Variants in DAB1 observed in about 807,000 individuals in gnomAD.
DAB1 encodes the protein DAB adaptor protein 1.
Under a neutral mutation model 64.6 loss-of-function variants are expected in DAB1, and 15 were observed. That is an observed-to-expected ratio of 0.23 (90% CI 0.16 to 0.36). The LOEUF (loss-of-function observed/expected upper bound fraction) is 0.36. DAB1 is among the 10% of genes least tolerant of loss of function. The probability of loss-of-function intolerance (pLI) is 1.00; values close to 1 mark genes in which losing one functional copy is unlikely to be tolerated. For missense variants in DAB1, 596 were observed against 706.7 expected, an observed-to-expected ratio of 0.84 and a Z score of 1.78; for synonymous variants, 235 against 251.9, an observed-to-expected ratio of 0.93 and a Z score of 0.64.
At chr1:57,506,191 T>C (rs1375841263) in intron 7 of DAB1, among the ~76,000 whole-genome samples, 1 of 151,802 alleles carries the variant, frequency 6.6e-6, no homozygotes, top group Admixed American at 6.6e-5. Flanking sequence ...TGTTAAGAAA[T>C]AAAAGAAGAA....
chr1:57,523,144 G>T (rs1644549674), intron 7 of DAB1, among the ~76,000 whole-genome samples: 1 of 151,970 alleles, frequency 6.6e-6, no homozygotes, highest in South Asian at 2.1e-4. Flanking sequence ...TATTCTATTA[G>T]TCCTGTCCCT....
chr1:57,337,522 T>G (rs1050935951), intron 1 of DAB1, among the ~76,000 whole-genome samples: 7 of 152,208 alleles, frequency 4.6e-5, no homozygotes, highest in Non-Finnish European at 8.8e-5. Flanking sequence ...TATTTAAAAT[T>G]ACAAACCCCA....
chr1:58,267,413 A>G (rs964291090), intron 4 of DAB1, among the ~76,000 whole-genome samples: 9 of 152,028 alleles, frequency 5.9e-5, no homozygotes, highest in African/African-American at 2.2e-4. Context: ...CCCTACTTCC[A>G]TTGGGTCAGC....
At chr1:57,810,378 G>T (rs956586768) in intron 6 of DAB1, among the ~76,000 whole-genome samples, 2 of 152,128 alleles carry the variant, frequency 1.3e-5, no homozygotes, top group East Asian at 3.9e-4. Context: ...GAGCAATCTT[G>T]AATAATGAAT....
chr1:58,326,903 C>T lies in DAB1; in HGVS notation n.309+16449G>A, dbSNP rs183642986. Among the ~76,000 whole-genome samples the T allele has an allele frequency of 1.5e-3, 225 of 152,268 alleles. 2 individuals carry two copies. The highest frequency in any genetic ancestry group is 1.7e-3 in the Non-Finnish European group (117 of 68,026). On this transcript the variant is annotated intron_variant and non_coding_transcript_variant, in intron 4 of 20. Coordinates refer to the DAB1 transcript ENST00000485760. ...AAGTAAGACAATTACAAAAATCCCTCTTGGCTTTGATTTTTAAAGTACTAA... is the reference window on the plus strand; with the variant it reads ...AAGTAAGACAATTACAAAAATCCCTTTTGGCTTTGATTTTTAAAGTACTAA...
intron 1 of DAB1, among the ~76,000 whole-genome samples, chr1:57,317,212 C>T (rs1675287256): frequency 6.6e-6 from 1 of 152,108 alleles, no homozygotes; most frequent in South Asian, 2.1e-4. Flanking sequence ...AACTGAGGTC[C>T]ACCAACGGCC....
chr1:57,241,027 C>T (rs751690071), intron 2 of DAB1, among the ~76,000 whole-genome samples: 6 of 152,134 alleles, frequency 3.9e-5, no homozygotes, highest in Non-Finnish European at 8.8e-5. Flanking sequence ...GCACTATACA[C>T]GCATCCACCA....
chr1:58,228,908 T>G, intron 4 of DAB1: 1 of 517,576 alleles, frequency 1.9e-6, no homozygotes, highest in Admixed American at 2.3e-5. Flanking sequence ...ACAGCTGTAG[T>G]GTGTAGAAAA....
At chr1:58,121,863 C>T (rs1458706648) in intron 5 of DAB1, among the ~76,000 whole-genome samples, 1 of 152,166 alleles carries the variant, frequency 6.6e-6, no homozygotes, top group Non-Finnish European at 1.5e-5. Flanking sequence ...TCTTCTCACT[C>T]CTTTCCTTGC....
chr1:57,875,052 G>A (rs1216164365), intron 1 of DAB1: 1 of 152,210 alleles, frequency 6.6e-6, no homozygotes, highest in South Asian at 2.1e-4. Context: ...AGTGTCCAGA[G>A]AGGGCAAGCT....
chr1:57,398,449 G>A (rs1337146458), intron 1 of DAB1, among the ~76,000 whole-genome samples: 2 of 152,124 alleles, frequency 1.3e-5, no homozygotes, highest in East Asian at 1.9e-4. Context: ...TTGCAGGAAA[G>A]GGGTCTTTTT....
chr1:58,493,701 A>G (rs1430849387), intron 3 of DAB1, among the ~76,000 whole-genome samples: 1 of 151,812 alleles, frequency 6.6e-6, no homozygotes. Flanking sequence ...CTAGGAATCC[A>G]ACTTACAAGG....
chr1:57,106,451 CT>C lies in DAB1; in HGVS notation c.306+30091del, dbSNP rs1655165924. 2.6e-5 allele frequency among the ~76,000 whole-genome samples: 4 copies of C among 152,260 alleles called. No homozygotes were observed. In the South Asian group the frequency reaches 8.3e-4, roughly 32 times the overall value. Reference sequence around the variant, plus strand: ...CCCAAGTTTGGCGGGGTGCACAGCTCTTTTATAAACAACAAGCATAACCCAT... The same window carrying C: ...CCCAAGTTTGGCGGGGTGCACAGCTCTTTATAAACAACAAGCATAACCCAT... On this transcript the variant is annotated intron_variant, in intron 4 of 14. Coordinates refer to ENST00000371236, the MANE Select transcript of DAB1 (RefSeq NM_001365792.1).
At chr1:57,728,011 C>T (rs181733370) in intron 6 of DAB1, among the ~76,000 whole-genome samples, 31 of 152,178 alleles carry the variant, frequency 2.0e-4, no homozygotes, top group African/African-American at 7.5e-4. Flanking sequence ...AAGTCTCCTG[C>T]CCAGTGTTCA....
chr1:57,736,433 A>G (rs1465646255), intron 6 of DAB1, among the ~76,000 whole-genome samples: 1 of 152,226 alleles, frequency 6.6e-6, no homozygotes, highest in East Asian at 1.9e-4. Flanking sequence ...GAATGTTCAT[A>G]AATCGCAGCA....
intron 3 of DAB1, among the ~76,000 whole-genome samples, chr1:58,486,170 T>C (rs1013322420): frequency 2.0e-5 from 3 of 152,166 alleles, no homozygotes; most frequent in East Asian, 1.9e-4. Context: ...AAAATGTCTA[T>C]GCCAAAGAGA....
At chr1:57,798,704 T>C (rs1416083983) in intron 6 of DAB1, among the ~76,000 whole-genome samples, 2 of 152,232 alleles carry the variant, frequency 1.3e-5, no homozygotes, top group Non-Finnish European at 2.9e-5. Flanking sequence ...AATGTTTTAA[T>C]ATGATAAGTC....
In DAB1 at chr1:57,190,890, T is replaced by C. The variant is rs573479429; in HGVS notation, c.68-45461A>G. 5.0e-4 allele frequency among the ~76,000 whole-genome samples: 76 copies of C among 152,284 alleles called. 1 individual carries two copies. The highest frequency in any genetic ancestry group is 1.8e-3 in the African/African-American group (74 of 41,566). ...TTTAGGAATACTTCAGACTTACAAG[T>C]GGTTTTGGTACAAAGGACTTCTGAT... On this transcript the variant is annotated intron_variant, in intron 2 of 14. Coordinates refer to ENST00000371236, the MANE Select transcript of DAB1 (RefSeq NM_001365792.1).
chr1:57,416,397 G>A (rs1375114043), intron 1 of DAB1, among the ~76,000 whole-genome samples: 2 of 152,030 alleles, frequency 1.3e-5, no homozygotes, highest in East Asian at 3.9e-4. Flanking sequence ...TTCATGTCAG[G>A]GTACTGAGTA....
Sources: allele counts gnomAD v4.1 joint callset (sites outside exome capture counted in the v4.1 genomes callset), GRCh38; gene constraint gnomAD v4.1.1; transcripts MANE v1.5; gene names NCBI Gene and HGNC (gene_info 2026-07-23, HGNC 2026-07-21).